The following LRRC41 variants were observed in gnomAD, a reference collection of about 807,000 sequenced individuals.
The protein encoded by LRRC41 is leucine-rich repeat-containing protein 41.
A neutral mutation model predicts 72.1 loss-of-function variants in LRRC41; 17 were observed. That is an observed-to-expected ratio of 0.24 (90% CI 0.16 to 0.35). The LOEUF (loss-of-function observed/expected upper bound fraction) is 0.35, where lower values mean the gene tolerates loss of function less well. LRRC41 is among the 10% of genes least tolerant of loss of function. The pLI, the probability that LRRC41 is intolerant of heterozygous loss-of-function variation, is 1.00. For synonymous variants in LRRC41, 427 were observed against 431.0 expected (o/e 0.99, Z 0.11); for missense variants, 759 against 1,065.0 (o/e 0.71, Z 4.00).
rs759586740 is a variant in LRRC41, at chr1:46,285,896, G to A, written c.961C>T (p.Arg321Trp). Residue 321 changes from arginine to tryptophan, a missense_variant, in exon 4 of 10, where the codon CGG becomes TGG. Physicochemically the swap from Arg to Trp is moderately radical, Grantham distance 101. Coordinates refer to ENST00000617190, the MANE Select transcript of LRRC41 (RefSeq NM_006369.5). This position sits in a 1 kb window ranked among gnomAD's most constrained non-coding sequence, Gnocchi z 5.3. Reference sequence around the variant, plus strand: ...TCCTGTGTGCTCCGGCGTGTTACCCGAGTGGCAGGTGCAGCTCTGGGCATC... The same window carrying A: ...TCCTGTGTGCTCCGGCGTGTTACCCAAGTGGCAGGTGCAGCTCTGGGCATC... ...KQMPRAAPAT[R>W]VTRRSTQESL... 24 of 1,550,386 alleles carry A rather than the reference G, an allele frequency of 1.5e-5. No homozygotes were observed. In the South Asian group the frequency reaches 2.0e-4, roughly 13 times the overall value.
Position 46,303,404 on chromosome 1 carries a change from C to G in LRRC41, c.-82G>C. The G allele has an allele frequency of 2.4e-6, 3 of 1,239,314 alleles. No individual in the cohort carries two copies. The highest frequency in any genetic ancestry group is 3.3e-6 in the Non-Finnish European group (3 of 922,390). 76.8% of individuals were successfully genotyped at this position (1,239,314 alleles called of 1,614,324 possible). A position where few individuals can be genotyped will look rare whatever the true frequency, so the allele number is the denominator to read the frequency against. On this transcript the variant is annotated 5_prime_UTR_variant, in exon 1 of 10. Coordinates refer to ENST00000617190, the MANE Select transcript of LRRC41 (RefSeq NM_006369.5). Reference sequence around the variant, plus strand: ...TCAGCAGTTAGGACGGCTCCATAAGCGATATGGGGAAGAATGTGAATTATT... The same window carrying G: ...TCAGCAGTTAGGACGGCTCCATAAGGGATATGGGGAAGAATGTGAATTATT...
chr1:46,302,435 C>T lies in LRRC41; in HGVS notation c.199+689G>A, dbSNP rs1169315301. 7.1e-6 allele frequency: 7 copies of T among 985,270 alleles called. No individual in the cohort carries two copies. The highest frequency in any genetic ancestry group is 6.1e-5 in the Admixed American group (1 of 16,272). 61.0% of individuals were successfully genotyped at this position (985,270 alleles called of 1,614,324 possible). ...CTCCCTGTCCTGCGGGTCGCACGGT[C>T]GCTCGGTCGCTTAGTCAGTTTGGCA... On this transcript the variant is annotated intron_variant, in intron 1 of 9. Transcript: ENST00000617190. This position sits in a 1 kb window ranked among gnomAD's most constrained non-coding sequence, Gnocchi z 4.7.
chr1:46,277,575 C>G lies in LRRC41; in HGVS notation c.*1290G>C. On this transcript the variant is annotated 3_prime_UTR_variant, in exon 10 of 10. Transcript: ENST00000617190. ...CACCCTGACGGGATTTAGCCAGGCCCTGGGACCCTTCATTAGTATAGAAAG... is the reference window on the plus strand; with the variant it reads ...CACCCTGACGGGATTTAGCCAGGCCGTGGGACCCTTCATTAGTATAGAAAG... 1.8e-6 allele frequency: 1 copy of G among 557,404 alleles called. No homozygotes were observed. 34.5% of individuals were successfully genotyped at this position (557,404 alleles called of 1,614,324 possible).
chr1:46,285,702 A>T lies in LRRC41; in HGVS notation c.1155T>A (p.Pro385=). Residue 385 remains proline, a synonymous_variant, in exon 4 of 10, where the codon CCT becomes CCA. Transcript: ENST00000617190. The surrounding 1 kb of genome is among the most constrained non-coding windows in gnomAD (Gnocchi z 5.3). ...CTCGCTTGAAACGCTTTAGGGGCTT[A>T]GGCTGTGGGGCTGAGCTAGCTGGTG... ...KRAPASSAPQ[P]KPLKRFKRAA... 1 of 1,613,448 alleles carries T rather than the reference A, an allele frequency of 6.2e-7. No individual in the cohort carries two copies. Among genetic ancestry groups the T allele is most frequent in the Middle Eastern group, 1.7e-4 (1 of 6,052 alleles).
At chr1:46,294,820 C>A (rs901738751) in intron 3 of LRRC41, among the ~76,000 whole-genome samples, 3 of 152,038 alleles carry the variant, frequency 2.0e-5, no homozygotes, top group South Asian at 4.2e-4. Flanking sequence ...GTCTTGAACT[C>A]CTGATTTCGT....
intron 1 of LRRC41, among the ~76,000 whole-genome samples, chr1:46,301,660 C>G (rs952603114): frequency 1.3e-5 from 2 of 152,078 alleles, no homozygotes; most frequent in Admixed American, 6.6e-5. Flanking sequence ...CCCCACACCC[C>G]CTCCTCATGG....
rs11542624 is a variant in LRRC41 at position 46,286,133 on chromosome 1, G to T, written c.724C>A (p.Leu242Ile). 6.2e-7 allele frequency: 1 copy of T among 1,614,240 alleles called. No individual in the cohort carries two copies. The highest frequency in any genetic ancestry group is 1.1e-5 in the South Asian group (1 of 91,088). Residue 242 changes from leucine to isoleucine, a missense_variant, in exon 4 of 10, where the codon CTT (leucine) becomes ATT (isoleucine). Around this residue, in one of 4 missense-constraint regions of LRRC41, gnomAD observed 427 missense variants for 520.9 expected, o/e 0.82. Coordinates refer to ENST00000617190, the MANE Select transcript of LRRC41 (RefSeq NM_006369.5). The surrounding 1 kb of genome is among the most constrained non-coding windows in gnomAD (Gnocchi z 5.5). ...CTCATGGTGAGAATAAGGATGAAAA[G>T]GGCTGACTCAGGCACAGGCCAGGAG... ...LYSWPVPESA[L>I]FILILTMSAG...
rs777542436 is a variant in LRRC41, at chr1:46,279,464, C to T, written c.2143+28G>A. The T allele has an allele frequency of 6.2e-7, 1 of 1,614,144 alleles. No individual in the cohort carries two copies. Among genetic ancestry groups the T allele is most frequent in the Non-Finnish European group, 8.5e-7 (1 of 1,180,028 alleles). ...AGGTCAAAGGCCTAGCTCCTTTCCC[C>T]TCTCCCTCCCCAGGGTCTGGCCCCC... On this transcript the variant is annotated intron_variant, in intron 8 of 9. Coordinates refer to ENST00000617190, the MANE Select transcript of LRRC41 (RefSeq NM_006369.5). This position sits in a 1 kb window ranked among gnomAD's most constrained non-coding sequence, Gnocchi z 4.5.
At position 46,303,283 on chromosome 1, in the gene LRRC41, A is replaced by G. The variant is rs1188059449; in HGVS notation, c.40T>C (p.Phe14Leu). Residue 14 changes from phenylalanine to leucine, a missense_variant, in exon 1 of 10, where the codon TTC (phenylalanine) becomes CTC (leucine). Phe to Leu is a conservative substitution (Grantham distance 22). Coordinates refer to ENST00000617190, the MANE Select transcript of LRRC41 (RefSeq NM_006369.5). ...PEAWRARSCWFCEVAAATTME... is the reference protein window; with the variant it reads ...PEAWRARSCWLCEVAAATTME... ...GTCGTTGCCGCCGCTACCTCACAGA[A>G]CCAGCAACTCCGGGCGCGCCAGGCC... 1.3e-6 allele frequency: 2 copies of G among 1,542,848 alleles called. No individual in the cohort carries two copies. The highest frequency in any genetic ancestry group is 1.2e-5 in the South Asian group (1 of 83,802).
intron 3 of LRRC41, among the ~76,000 whole-genome samples, chr1:46,295,364 C>T (rs975842994): frequency 6.6e-6 from 1 of 152,178 alleles, no homozygotes; most frequent in Non-Finnish European, 1.5e-5. Context: ...CCTGACCTTA[C>T]AGATCTCTTT....
intron 4 of LRRC41, among the ~76,000 whole-genome samples, chr1:46,283,614 C>G (rs185886261): frequency 6.6e-6 from 1 of 152,010 alleles, no homozygotes; most frequent in African/African-American, 2.4e-5. Context: ...GCATAGTTGG[C>G]CTTTGAAACC....
Position 46,280,306 on chromosome 1 carries a change from AGACCATG to A in LRRC41, c.1922-23_1922-17del, listed in dbSNP as rs1660743976. 6.2e-7 allele frequency: 1 copy of A among 1,612,886 alleles called. No homozygotes were observed. Among genetic ancestry groups the A allele is most frequent in the Non-Finnish European group, 8.5e-7 (1 of 1,178,806 alleles). ...AGGTTGTACTCTGGATAGGAGGCAGAGACCATGGACCATGGACCTTAGCTTTCCTAGA... is the reference window on the plus strand; with the variant it reads ...AGGTTGTACTCTGGATAGGAGGCAGAGACCATGGACCTTAGCTTTCCTAGA... On this transcript the variant is annotated splice_polypyrimidine_tract_variant and intron_variant, in intron 6 of 9. Coordinates refer to ENST00000617190, the MANE Select transcript of LRRC41 (RefSeq NM_006369.5).
chr1:46,291,078 C>T (rs572561532), intron 3 of LRRC41, among the ~76,000 whole-genome samples: 75 of 151,480 alleles, frequency 5.0e-4, no homozygotes, highest in African/African-American at 1.6e-3. Flanking sequence ...GCACGTGCCA[C>T]CACACCCAAA....
chr1:46,301,346 C>T (rs1041126269), intron 1 of LRRC41, among the ~76,000 whole-genome samples: 4 of 152,156 alleles, frequency 2.6e-5, no homozygotes, highest in African/African-American at 9.7e-5. Context: ...GGCGGAAAAG[C>T]CAGACCCTCT....
chr1:46,290,916 G>GTTTTTTTTTTTTTT (rs71062750), intron 3 of LRRC41, among the ~76,000 whole-genome samples: 1 of 65,728 alleles, frequency 1.5e-5, no homozygotes, highest in Non-Finnish European at 2.9e-5. Context: ...CCTGTTTCTA[G>GTTTTTTTTTTTTTT]TTTTTTTTTT....
chr1:46,298,830 CT>C (rs1238834279), intron 1 of LRRC41: 1 of 154,344 alleles, frequency 6.5e-6, no homozygotes, highest in South Asian at 2.0e-4. Flanking sequence ...CTTTCTGCCC[CT>C]GTACCTTTGT....
chr1:46,282,300 G>GA (rs1448879648), intron 4 of LRRC41, among the ~76,000 whole-genome samples: 1 of 152,214 alleles, frequency 6.6e-6, no homozygotes, highest in Non-Finnish European at 1.5e-5. Flanking sequence ...CAATGGGTGG[G>GA]AATGGGGCAG....
chr1:46,300,954 C>T (rs1292161355), intron 1 of LRRC41, among the ~76,000 whole-genome samples: 3 of 152,168 alleles, frequency 2.0e-5, no homozygotes, highest in African/African-American at 7.2e-5. Context: ...TCCCCTGTCT[C>T]CTCTCAACTT....
chr1:46,277,656 T>C lies in LRRC41; in HGVS notation c.*1209A>G. 1 of 800,908 alleles carries C rather than the reference T, an allele frequency of 1.2e-6. No individual in the cohort carries two copies. The highest frequency in any genetic ancestry group is 3.6e-4 in the Middle Eastern group (1 of 2,756). 49.6% of individuals were successfully genotyped at this position (800,908 alleles called of 1,614,324 possible). ...GTTCTCAGGAGACAGACTGGGAAAATGGACCTCAGCTGAGTAGAGATAATG... is the reference window on the plus strand; with the variant it reads ...GTTCTCAGGAGACAGACTGGGAAAACGGACCTCAGCTGAGTAGAGATAATG... On this transcript the variant is annotated 3_prime_UTR_variant, in exon 10 of 10. Coordinates refer to ENST00000617190, the MANE Select transcript of LRRC41 (RefSeq NM_006369.5).
Sources: gnomAD v4.1 joint callset for allele counts (sites outside exome capture counted in the v4.1 genomes callset) on GRCh38, gnomAD v4.1.1 for gene constraint, gnomAD v4.1.1 regional missense constraint, Gnocchi (gnomAD v3.1) non-coding constraint, MANE v1.5 for transcripts, NCBI Gene and HGNC (gene_info 2026-07-23, HGNC 2026-07-21) for gene names.